Variants in GRIN2B observed in about 807,000 individuals in gnomAD.
The protein encoded by GRIN2B is glutamate receptor ionotropic, NMDA 2B.
GRIN2B carries 5 observed loss-of-function variants against 114.5 expected under a neutral mutation model. The ratio of observed to expected loss-of-function variants is 0.04; its 90% CI spans 0.02 to 0.09. The LOEUF (loss-of-function observed/expected upper bound fraction) is 0.09. Ranked by LOEUF, GRIN2B falls within the 10% of genes least tolerant of loss-of-function variation. The probability of loss-of-function intolerance (pLI) is 1.00; values close to 1 mark genes in which losing one functional copy is unlikely to be tolerated. For synonymous variants in GRIN2B, 787 were observed against 745.1 expected (o/e 1.06, Z -0.92); for missense variants, 1,108 against 1,943.5 (o/e 0.57, Z 8.08).
chr12:13,827,348 A>G (rs747165389), intron 3 of GRIN2B, among the ~76,000 whole-genome samples: 22 of 148,130 alleles, frequency 1.5e-4, no homozygotes, highest in Admixed American at 6.1e-4. Context: ...GTGGAATTCT[A>G]TTTTTATGCA....
chr12:13,562,618 G>C lies in GRIN2B; in HGVS notation c.*165C>G. On this transcript the variant is annotated 3_prime_UTR_variant, in exon 14 of 14. Coordinates refer to ENST00000609686, the MANE Select transcript of GRIN2B (RefSeq NM_000834.5). Reference sequence around the variant, plus strand: ...GAGGAGAGATGGTGCTGGTCACCAGGGTTGCCCCCAGTAGGAACCAGAACT... The same window carrying C: ...GAGGAGAGATGGTGCTGGTCACCAGCGTTGCCCCCAGTAGGAACCAGAACT... 1.5e-6 allele frequency: 1 copy of C among 662,094 alleles called. No individual in the cohort carries two copies. Among genetic ancestry groups the C allele is most frequent in the Admixed American group, 2.4e-5 (1 of 41,310 alleles). The allele number at this position is 662,094 out of a possible 1,614,324, so 41.0% of individuals were successfully genotyped here.
intron 4 of GRIN2B, among the ~76,000 whole-genome samples, chr12:13,715,035 G>A (rs1044713157): frequency 7.9e-5 from 12 of 151,930 alleles, no homozygotes; most frequent in Middle Eastern, 3.4e-3. Flanking sequence ...AGTTCTTAGC[G>A]CATTGCTGGA....
intron 4 of GRIN2B, among the ~76,000 whole-genome samples, chr12:13,722,661 G>C (rs1302568699): frequency 1.3e-5 from 2 of 152,114 alleles, no homozygotes; most frequent in Admixed American, 6.6e-5. Context: ...AGTGACAAGA[G>C]AGAGTGCGAA....
intron 5 of GRIN2B, among the ~76,000 whole-genome samples, chr12:13,647,983 C>T (rs1949778339): frequency 6.6e-6 from 1 of 152,046 alleles, no homozygotes; most frequent in South Asian, 2.1e-4. Context: ...ATCTTAGGGG[C>T]TGTCTGTTTG....
chr12:13,668,437 G>A (rs1210923301), intron 5 of GRIN2B, among the ~76,000 whole-genome samples: 5 of 152,096 alleles, frequency 3.3e-5, no homozygotes, highest in African/African-American at 7.2e-5. Flanking sequence ...CAGCAGTGTT[G>A]AGACTTTAGG....
intron 2 of GRIN2B, among the ~76,000 whole-genome samples, chr12:13,897,692 T>C (rs1866376015): frequency 2.6e-5 from 4 of 152,116 alleles, no homozygotes; most frequent in Non-Finnish European, 5.9e-5. Context: ...CTTAAAGGTC[T>C]TTTCTGGAAA....
At chr12:13,908,424 G>A (rs1217949840) in intron 2 of GRIN2B, among the ~76,000 whole-genome samples, 2 of 152,088 alleles carry the variant, frequency 1.3e-5, no homozygotes, top group East Asian at 3.9e-4. Flanking sequence ...AACAATTCAT[G>A]AGTTAAATAC....
At chr12:13,844,841 C>T (rs1049536797) in intron 3 of GRIN2B, among the ~76,000 whole-genome samples, 7 of 152,138 alleles carry the variant, frequency 4.6e-5, no homozygotes, top group Admixed American at 1.3e-4. Context: ...ACTTTGAAAA[C>T]TGTAAAACAT....
chr12:13,753,228 T>TTC lies in GRIN2B; in HGVS notation c.1010+87_1010+88dup, dbSNP rs1477081641. ...TTCAACCTGCTACCGTCTTGAACTG[T>TTC]TCTTCCTGCAGTTTCTGAACTTCCA... On this transcript the variant is annotated intron_variant, in intron 4 of 13. Transcript: ENST00000609686. This position sits in a 1 kb window ranked among gnomAD's most constrained non-coding sequence, Gnocchi z 6.2. 1.2e-6 allele frequency: 1 copy of TTC among 847,572 alleles called. No homozygotes were observed. The highest frequency in any genetic ancestry group is 2.1e-6 in the Non-Finnish European group (1 of 483,790). The allele number at this position is 847,572 out of a possible 1,614,324, so 52.5% of individuals were successfully genotyped here.
chr12:13,870,665 T>C (rs1286261906), intron 2 of GRIN2B, among the ~76,000 whole-genome samples: 1 of 152,006 alleles, frequency 6.6e-6, no homozygotes, highest in Non-Finnish European at 1.5e-5. Context: ...CACCATCCCT[T>C]AATGCAGTCA....
intron 10 of GRIN2B, among the ~76,000 whole-genome samples, chr12:13,595,580 G>A (rs1949061279): frequency 1.3e-5 from 2 of 152,222 alleles, no homozygotes; most frequent in South Asian, 4.1e-4. Flanking sequence ...GTCTGGTGCT[G>A]AGAACTGGCA....
In GRIN2B at chr12:13,705,894, G is replaced by A. The variant is rs149157804; in HGVS notation, c.1011-30035C>T. Reference sequence around the variant, plus strand: ...GAGAGTTTGGCTTCACATTAATGAAGGGTTGTTATTAGTGAGGTAGTAATC... The same window carrying A: ...GAGAGTTTGGCTTCACATTAATGAAAGGTTGTTATTAGTGAGGTAGTAATC... On this transcript the variant is annotated intron_variant, in intron 4 of 13. Transcript: ENST00000609686. Among the ~76,000 whole-genome samples, 311 of 152,224 alleles carry A rather than the reference G, an allele frequency of 2.0e-3. 6 individuals carry two copies. Among genetic ancestry groups the A allele is most frequent in the Admixed American group, 0.019 (294 of 15,260 alleles).
At chr12:13,776,669 T>C (rs896403426) in intron 3 of GRIN2B, among the ~76,000 whole-genome samples, 1 of 151,960 alleles carries the variant, frequency 6.6e-6, no homozygotes, top group African/African-American at 2.4e-5. Context: ...AGCAAGTGTG[T>C]GGGATTTGGG....
intron 2 of GRIN2B, among the ~76,000 whole-genome samples, chr12:13,920,449 A>C (rs919160003): frequency 1.3e-5 from 2 of 152,222 alleles, no homozygotes; most frequent in East Asian, 1.9e-4. Context: ...TATCCTAGGC[A>C]AAAACATCAT....
chr12:13,578,274 G>A (rs1948803881), intron 10 of GRIN2B, among the ~76,000 whole-genome samples: 1 of 152,156 alleles, frequency 6.6e-6, no homozygotes, highest in South Asian at 2.1e-4. Context: ...TGACCTAGGT[G>A]ACCTGCTTAA....
chr12:13,761,413 C>G (rs1863677815), intron 3 of GRIN2B, among the ~76,000 whole-genome samples: 1 of 152,082 alleles, frequency 6.6e-6, no homozygotes. Flanking sequence ...TTCTAGGTCA[C>G]AGAGACAACT....
At chr12:13,585,390 T>G (rs1270759954) in intron 10 of GRIN2B, among the ~76,000 whole-genome samples, 1 of 152,158 alleles carries the variant, frequency 6.6e-6, no homozygotes, top group East Asian at 1.9e-4. Context: ...GGCACGGAAA[T>G]GCCAGCATGT....
chr12:13,718,163 T>C (rs1950474140), intron 4 of GRIN2B, among the ~76,000 whole-genome samples: 2 of 152,022 alleles, frequency 1.3e-5, no homozygotes, highest in East Asian at 1.9e-4. Flanking sequence ...CTCACTCACT[T>C]TTCTCTAACC....
At chr12:13,822,589 T>C (rs1177218281) in intron 3 of GRIN2B, among the ~76,000 whole-genome samples, 1 of 152,050 alleles carries the variant, frequency 6.6e-6, no homozygotes, top group Non-Finnish European at 1.5e-5. Context: ...AGATTCTACA[T>C]GCCAAGCACT....
Sources: allele counts gnomAD v4.1 joint callset (sites outside exome capture counted in the v4.1 genomes callset), GRCh38; gene constraint gnomAD v4.1.1; non-coding constraint Gnocchi (gnomAD v3.1); transcripts MANE v1.5; gene names NCBI Gene and HGNC (gene_info 2026-07-23, HGNC 2026-07-21).